MACROD2: variants seen among roughly 807,000 people sequenced by gnomAD.
The protein encoded by MACROD2 is ADP-ribose glycohydrolase MACROD2.
Under a neutral mutation model 70.4 loss-of-function variants are expected in MACROD2, and 36 were observed. The ratio of observed to expected loss-of-function variants is 0.51; its 90% CI spans 0.39 to 0.68. MACROD2 has a LOEUF of 0.68. Among genes scored for constraint, MACROD2 ranks in the 30% least tolerant of loss-of-function variants. MACROD2 has a pLI of 0.00. For missense variants in MACROD2, 496 were observed against 538.4 expected (o/e 0.92, Z 0.78); for synonymous variants, 172 against 178.8 (o/e 0.96, Z 0.30).
intron 8 of MACROD2, among the ~76,000 whole-genome samples, chr20:15,772,858 A>C (rs972846617): frequency 3.3e-5 from 5 of 152,168 alleles, no homozygotes; most frequent in African/African-American, 1.2e-4. Context: ...TAAATTTATA[A>C]AAAGAAATTA....
chr20:14,194,533 G>T (rs188848168), intron 3 of MACROD2, among the ~76,000 whole-genome samples: 489 of 152,236 alleles, frequency 3.2e-3, no homozygotes, highest in Non-Finnish European at 4.8e-3. Context: ...AACAACCCAG[G>T]ATAAAGCAGG....
At chr20:15,076,094 T>C (rs1354264904) in intron 5 of MACROD2, among the ~76,000 whole-genome samples, 1 of 149,804 alleles carries the variant, frequency 6.7e-6, no homozygotes, top group Non-Finnish European at 1.5e-5. Flanking sequence ...ATTATGTGTG[T>C]CTGTGTGAAT....
intron 5 of MACROD2, among the ~76,000 whole-genome samples, chr20:15,199,705 GA>G (rs61532544): frequency 0.19 from 29,295 of 152,006 alleles, 3,142 homozygotes; most frequent in African/African-American, 0.29. Flanking sequence ...TTTGCTTATG[GA>G]AATATTTTCC....
chr20:15,192,304 G>C (rs1450453234), intron 5 of MACROD2, among the ~76,000 whole-genome samples: 3 of 152,140 alleles, frequency 2.0e-5, no homozygotes, highest in African/African-American at 7.2e-5. Flanking sequence ...CATCAAGATA[G>C]TAGCTCTCTG....
chr20:14,239,859 C>A (rs1244353404), intron 3 of MACROD2, among the ~76,000 whole-genome samples: 1 of 152,098 alleles, frequency 6.6e-6, no homozygotes, highest in East Asian at 1.9e-4. Flanking sequence ...AGAGCTTCTG[C>A]AGAGCAAAAG....
intron 3 of MACROD2, among the ~76,000 whole-genome samples, chr20:14,094,542 A>T (rs2054197035): frequency 6.6e-6 from 1 of 152,134 alleles, no homozygotes; most frequent in South Asian, 2.1e-4. Context: ...GTAGTATACA[A>T]TACTGTTGAC....
intron 8 of MACROD2, among the ~76,000 whole-genome samples, chr20:15,529,401 A>C (rs2047765948): frequency 2.0e-5 from 3 of 152,058 alleles, no homozygotes; most frequent in South Asian, 4.1e-4. Context: ...AATTGTTTTT[A>C]CATTGAACCT....
At chr20:14,883,826 T>G in intron 5 of MACROD2, among the ~76,000 whole-genome samples, 1 of 152,170 alleles carries the variant, frequency 6.6e-6, no homozygotes, top group Middle Eastern at 3.2e-3. Flanking sequence ...AAGAATGTCT[T>G]TACTAGAGTA....
intron 13 of MACROD2, among the ~76,000 whole-genome samples, chr20:15,973,099 G>C (rs2066255185): frequency 6.6e-6 from 1 of 152,076 alleles, no homozygotes; most frequent in Non-Finnish European, 1.5e-5. Context: ...GATACTGCCG[G>C]GAGGGGGCCA....
chr20:15,713,213 T>G (rs1010658038), intron 8 of MACROD2, among the ~76,000 whole-genome samples: 1 of 152,194 alleles, frequency 6.6e-6, no homozygotes, highest in African/African-American at 2.4e-5. Context: ...TAAAGGATTT[T>G]CAAAGATATA....
At chr20:15,530,514 C>T (rs367913297) in intron 8 of MACROD2, among the ~76,000 whole-genome samples, 3 of 151,760 alleles carry the variant, frequency 2.0e-5, no homozygotes, top group African/African-American at 4.8e-5. Flanking sequence ...GGGCGGATCA[C>T]GAGGTTAGGA....
At chr20:15,041,590 C>T (rs139259701) in intron 5 of MACROD2, among the ~76,000 whole-genome samples, 198 of 152,088 alleles carry the variant, frequency 1.3e-3, no homozygotes, top group African/African-American at 4.7e-3. Context: ...TACCAACACA[C>T]CCATCACACC....
chr20:15,740,343 C>T (rs1373271590), intron 8 of MACROD2, among the ~76,000 whole-genome samples: 2 of 152,068 alleles, frequency 1.3e-5, no homozygotes, highest in Non-Finnish European at 2.9e-5. Context: ...CAGCCTAGTA[C>T]GATTTACTGT....
chr20:15,120,289 C>T (rs2076020920), intron 5 of MACROD2, among the ~76,000 whole-genome samples: 1 of 151,664 alleles, frequency 6.6e-6, no homozygotes, highest in Admixed American at 6.6e-5. Flanking sequence ...TGCATTCATG[C>T]ATGTGTGCAT....
At chr20:14,528,295 T>TA (rs1467005254) in intron 4 of MACROD2, among the ~76,000 whole-genome samples, 1 of 151,012 alleles carries the variant, frequency 6.6e-6, no homozygotes, top group Non-Finnish European at 1.5e-5. Flanking sequence ...TGTTGCTTTT[T>TA]TTTTTTTAGT....
chr20:14,210,345 T>A (rs2081560208), intron 3 of MACROD2, among the ~76,000 whole-genome samples: 1 of 152,188 alleles, frequency 6.6e-6, no homozygotes, highest in African/African-American at 2.4e-5. Context: ...CATGTGCAGC[T>A]AAAAGTAGGA....
intron 3 of MACROD2, among the ~76,000 whole-genome samples, chr20:14,187,808 T>G (rs2081357111): frequency 6.6e-6 from 1 of 152,158 alleles, no homozygotes; most frequent in African/African-American, 2.4e-5. Flanking sequence ...GATACTTCAC[T>G]TAGGATTGCT....
intron 10 of MACROD2, among the ~76,000 whole-genome samples, chr20:15,909,052 T>C (rs559226798): frequency 1.3e-5 from 2 of 152,330 alleles, no homozygotes; most frequent in African/African-American, 4.8e-5. Context: ...TCTGCTCTAC[T>C]CAGCATTGGC....
intron 8 of MACROD2, among the ~76,000 whole-genome samples, chr20:15,721,490 A>G (rs1325402567): frequency 2.0e-5 from 3 of 152,220 alleles, no homozygotes; most frequent in Admixed American, 2.0e-4. Flanking sequence ...AGTACAAAAA[A>G]TATATATCAT....
Sources: gnomAD v4.1 joint callset for allele counts (sites outside exome capture counted in the v4.1 genomes callset) on GRCh38, gnomAD v4.1.1 for gene constraint, MANE v1.5 for transcripts, NCBI Gene and HGNC (gene_info 2026-07-23, HGNC 2026-07-21) for gene names.